DLGAP2: variants seen among roughly 807,000 people sequenced by gnomAD.
DLGAP2 encodes disks large-associated protein 2.
DLGAP2 carries 26 observed loss-of-function variants against 100.3 expected under a neutral mutation model. The observed-to-expected ratio is 0.26, with a 90% CI of 0.19 to 0.36. The LOEUF (loss-of-function observed/expected upper bound fraction) is 0.36. Ranked by LOEUF, DLGAP2 falls within the 10% of genes least tolerant of loss-of-function variation. The pLI is 1.00. For missense variants in DLGAP2, 1,858 were observed against 1,453.2 expected (o/e 1.28, Z -4.53); for synonymous variants, 886 against 630.1 (o/e 1.41, Z -6.08).
At chr8:742,875 A>G (rs899766218) in intron 1 of DLGAP2, among the ~76,000 whole-genome samples, 12 of 152,290 alleles carry the variant, frequency 7.9e-5, no homozygotes, top group South Asian at 2.1e-4. Context: ...GGCCAATGCA[A>G]TATTAACTTG....
At chr8:1,033,820 AT>A (rs1331928832) in intron 2 of DLGAP2, among the ~76,000 whole-genome samples, 1 of 118,178 alleles carries the variant, frequency 8.5e-6, no homozygotes. Flanking sequence ...CCGCGAGTGG[AT>A]TCACACGCTC....
At chr8:1,443,488 AGAGAGGGGT>A (rs1478101401) in intron 3 of DLGAP2, among the ~76,000 whole-genome samples, 1 of 152,170 alleles carries the variant, frequency 6.6e-6, no homozygotes, top group East Asian at 1.9e-4. Context: ...TTCTCCTGCA[AGAGAGGGGT>A]GGCGTGGTGT....
intron 2 of DLGAP2, among the ~76,000 whole-genome samples, chr8:1,243,379 C>T (rs543705224): frequency 2.6e-5 from 4 of 152,302 alleles, no homozygotes; most frequent in Admixed American, 6.5e-5. Context: ...CAAACCCAGA[C>T]ACTGGTGAGC....
intron 3 of DLGAP2, chr8:1,369,131 C>G (rs1431025046): frequency 6.6e-6 from 1 of 152,096 alleles, no homozygotes; most frequent in Non-Finnish European, 1.5e-5. Context: ...TTCCACAGTT[C>G]TATGTTATAA....
At chr8:1,324,039 G>A (rs1314524865) in intron 3 of DLGAP2, among the ~76,000 whole-genome samples, 1 of 152,138 alleles carries the variant, frequency 6.6e-6, no homozygotes, top group Non-Finnish European at 1.5e-5. Flanking sequence ...TGTGCGTCTG[G>A]TCTGCTGTGA....
intron 6 of DLGAP2, among the ~76,000 whole-genome samples, chr8:1,583,232 T>G (rs1796001773): frequency 6.6e-6 from 1 of 152,204 alleles, no homozygotes; most frequent in Admixed American, 6.5e-5. Context: ...GCTCCAAGCC[T>G]CTTCTCCCTC....
At chr8:1,090,576 G>C (rs1804146136) in intron 2 of DLGAP2, among the ~76,000 whole-genome samples, 1 of 152,230 alleles carries the variant, frequency 6.6e-6, no homozygotes, top group African/African-American at 2.4e-5. Context: ...GGTTTGTCCT[G>C]TGGGGAGAGT....
At chr8:1,185,527 A>G (rs961974788) in intron 2 of DLGAP2, among the ~76,000 whole-genome samples, 2 of 152,118 alleles carry the variant, frequency 1.3e-5, no homozygotes, top group African/African-American at 4.8e-5. Flanking sequence ...GCTCCTAGGA[A>G]CCGTCATACC....
At chr8:1,186,316 G>A (rs1016441100) in intron 2 of DLGAP2, among the ~76,000 whole-genome samples, 2 of 152,236 alleles carry the variant, frequency 1.3e-5, no homozygotes, top group African/African-American at 4.8e-5. Flanking sequence ...CATTAAGGCA[G>A]TTCATAAAAT....
At chr8:1,099,402 T>G (rs1222673095) in intron 2 of DLGAP2, among the ~76,000 whole-genome samples, 1 of 152,228 alleles carries the variant, frequency 6.6e-6, no homozygotes, top group East Asian at 1.9e-4. Flanking sequence ...CTCGCAAGTT[T>G]CATTCAACAA....
intron 3 of DLGAP2, among the ~76,000 whole-genome samples, chr8:1,263,514 A>G (rs936670087): frequency 6.6e-6 from 1 of 152,142 alleles, no homozygotes; most frequent in Non-Finnish European, 1.5e-5. Flanking sequence ...CATAATCAAG[A>G]TATTGGGAAA....
intron 3 of DLGAP2, among the ~76,000 whole-genome samples, chr8:1,266,027 C>G (rs1046123593): frequency 6.6e-6 from 1 of 152,160 alleles, no homozygotes; most frequent in African/African-American, 2.4e-5. Flanking sequence ...AAAATGATTA[C>G]AAGGAGAAAC....
chr8:1,452,852 T>C (rs2130118196), intron 3 of DLGAP2, among the ~76,000 whole-genome samples: 1 of 152,296 alleles, frequency 6.6e-6, no homozygotes, highest in Middle Eastern at 3.4e-3. Context: ...CTCAGGACGG[T>C]GCCCATTAAA....
chr8:954,302 C>G (rs1799548016), intron 2 of DLGAP2, among the ~76,000 whole-genome samples: 1 of 152,188 alleles, frequency 6.6e-6, no homozygotes, highest in Admixed American at 6.5e-5. Flanking sequence ...ACCCCAGAAC[C>G]TGTTCATCTA....
chr8:1,149,004 A>T (rs940636381), intron 2 of DLGAP2, among the ~76,000 whole-genome samples: 85 of 152,314 alleles, frequency 5.6e-4, no homozygotes, highest in Middle Eastern at 3.4e-3. Context: ...TTAATTGATC[A>T]GATTTATCCA....
chr8:793,386 C>T (rs1189140966), intron 1 of DLGAP2, among the ~76,000 whole-genome samples: 2 of 152,170 alleles, frequency 1.3e-5, no homozygotes, highest in African/African-American at 2.4e-5. Flanking sequence ...TCTCTTTCCT[C>T]CTCCCCTCGC....
intron 3 of DLGAP2, among the ~76,000 whole-genome samples, chr8:1,449,295 G>T (rs970561363): frequency 6.6e-6 from 1 of 152,152 alleles, no homozygotes; most frequent in Non-Finnish European, 1.5e-5. Context: ...AGACAGGGTC[G>T]GGCCATGATG....
chr8:1,092,967 C>T (rs1804233930), intron 2 of DLGAP2, among the ~76,000 whole-genome samples: 2 of 152,194 alleles, frequency 1.3e-5, no homozygotes, highest in African/African-American at 4.8e-5. Context: ...GGAATCATTT[C>T]ACCGGATATG....
At chr8:1,692,601 A>T (rs916628627) in intron 13 of DLGAP2, among the ~76,000 whole-genome samples, 1 of 152,160 alleles carries the variant, frequency 6.6e-6, no homozygotes, top group African/African-American at 2.4e-5. Context: ...AGAAGAGGAG[A>T]AACAAGGGAA....
Sources: gnomAD v4.1 joint callset for allele counts (sites outside exome capture counted in the v4.1 genomes callset) on GRCh38, gnomAD v4.1.1 for gene constraint, MANE v1.5 for transcripts, NCBI Gene and HGNC (gene_info 2026-07-23, HGNC 2026-07-21) for gene names.